The following LUZP2 variants were observed in gnomAD, a reference collection of about 807,000 sequenced individuals.
The protein encoded by LUZP2 is leucine zipper protein 2.
Under a neutral mutation model 51.6 loss-of-function variants are expected in LUZP2, and 52 were observed. The ratio of observed to expected loss-of-function variants is 1.01; its 90% CI spans 0.81 to 1.27. LUZP2 has a LOEUF of 1.27. LUZP2 is among the 50% of genes most tolerant of loss of function. LUZP2 has a pLI of 0.00. For missense variants in LUZP2, 436 were observed against 395.4 expected (o/e 1.10, Z -0.87); for synonymous variants, 154 against 137.3 (o/e 1.12, Z -0.85).
At chr11:25,050,529 C>T (rs901487342) in intron 10 of LUZP2, among the ~76,000 whole-genome samples, 1 of 151,958 alleles carries the variant, frequency 6.6e-6, no homozygotes, top group Non-Finnish European at 1.5e-5. Context: ...TGGTCTTGAT[C>T]GCCTGACCTC....
intron 6 of LUZP2, among the ~76,000 whole-genome samples, chr11:24,911,498 A>G (rs12281185): frequency 0.072 from 10,993 of 152,140 alleles, 1,253 homozygotes; most frequent in African/African-American, 0.24. Context: ...GTGAGTTCTC[A>G]GGAGATCCAA....
chr11:24,629,561 T>TAC (rs1184832978), intron 1 of LUZP2, among the ~76,000 whole-genome samples: 1 of 147,678 alleles, frequency 6.8e-6, no homozygotes, highest in Non-Finnish European at 1.5e-5. Context: ...TATATATATA[T>TAC]ATATATACCA....
At chr11:24,869,770 T>C (rs908213581) in intron 5 of LUZP2, among the ~76,000 whole-genome samples, 1 of 152,142 alleles carries the variant, frequency 6.6e-6, no homozygotes, top group African/African-American at 2.4e-5. Flanking sequence ...CAGGGGTCCC[T>C]ATTACCAGAG....
intron 9 of LUZP2, among the ~76,000 whole-genome samples, chr11:25,022,831 C>T (rs1857379462): frequency 6.6e-6 from 1 of 152,068 alleles, no homozygotes; most frequent in African/African-American, 2.4e-5. Context: ...CCATCAATAC[C>T]TAGTTTATTG....
chr11:24,759,300 A>T (rs1251552507), intron 4 of LUZP2, among the ~76,000 whole-genome samples: 2 of 152,170 alleles, frequency 1.3e-5, no homozygotes, highest in Non-Finnish European at 1.5e-5. Flanking sequence ...CAGGGTAAAT[A>T]CAATGTATTT....
At chr11:24,746,563 G>C (rs542933188) in intron 4 of LUZP2, among the ~76,000 whole-genome samples, 9 of 152,238 alleles carry the variant, frequency 5.9e-5, no homozygotes, top group Admixed American at 5.2e-4. Context: ...ATTTCCCTGT[G>C]TTCTTTGTGC....
rs912117372 is a variant in LUZP2, at chr11:24,735,768, C to T, written c.252-2453C>T. On this transcript the variant is annotated intron_variant, in intron 3 of 11. Transcript: ENST00000336930. Reference sequence around the variant, plus strand: ...TGAGCTATCTATCACAGGTGTCACTCGAGCCAGGAATTTTTTAGAATTAAA... The same window carrying T: ...TGAGCTATCTATCACAGGTGTCACTTGAGCCAGGAATTTTTTAGAATTAAA... Among the ~76,000 whole-genome samples the T allele has an allele frequency of 4.0e-5, 6 of 151,804 alleles. No homozygotes were observed. The South Asian group carries it at 6.2e-4, about 16-fold the overall frequency.
At chr11:24,828,656 A>G (rs1022467819) in intron 5 of LUZP2, among the ~76,000 whole-genome samples, 8 of 151,874 alleles carry the variant, frequency 5.3e-5, no homozygotes, top group African/African-American at 1.2e-4. Flanking sequence ...AACCTGCGTG[A>G]ATAACAAGGC....
intron 5 of LUZP2, among the ~76,000 whole-genome samples, chr11:24,780,720 C>G (rs1849067230): frequency 6.6e-6 from 1 of 152,072 alleles, no homozygotes; most frequent in South Asian, 2.1e-4. Flanking sequence ...GAACAACTGT[C>G]TTGTTTGTCT....
chr11:24,619,827 G>A (rs1198059426), intron 1 of LUZP2, among the ~76,000 whole-genome samples: 4 of 152,130 alleles, frequency 2.6e-5, no homozygotes, highest in East Asian at 3.9e-4. Flanking sequence ...AAGTCTATAC[G>A]TGTTCAGTAC....
intron 1 of LUZP2, among the ~76,000 whole-genome samples, chr11:24,595,790 T>A (rs1853425001): frequency 6.6e-6 from 1 of 152,188 alleles, no homozygotes; most frequent in Non-Finnish European, 1.5e-5. Context: ...AGACTGACAC[T>A]GAAATTTAAG....
At chr11:24,931,846 G>C (rs980459892) in intron 7 of LUZP2, among the ~76,000 whole-genome samples, 1 of 151,276 alleles carries the variant, frequency 6.6e-6, no homozygotes, top group Admixed American at 6.6e-5. Flanking sequence ...TTTCCTGTTT[G>C]TTTTTGTTTG....
At chr11:24,735,639 T>A (rs1241807180) in intron 3 of LUZP2, among the ~76,000 whole-genome samples, 1 of 151,850 alleles carries the variant, frequency 6.6e-6, no homozygotes, top group East Asian at 1.9e-4. Flanking sequence ...GTGATTAAGG[T>A]GAGGGTGTTT....
chr11:24,782,694 A>T (rs1451657760), intron 5 of LUZP2, among the ~76,000 whole-genome samples: 1 of 151,994 alleles, frequency 6.6e-6, no homozygotes. Context: ...GTGCCTGTCA[A>T]ATAGTAGGTA....
chr11:24,659,020 TC>T, intron 1 of LUZP2, among the ~76,000 whole-genome samples: 1 of 136,984 alleles, frequency 7.3e-6, no homozygotes, highest in Non-Finnish European at 1.7e-5. Flanking sequence ...TGGTGATTCC[TC>T]AGGGATCTAG....
At chr11:24,878,851 T>C (rs986753684) in intron 5 of LUZP2, among the ~76,000 whole-genome samples, 19 of 151,972 alleles carry the variant, frequency 1.3e-4, no homozygotes, top group African/African-American at 4.6e-4. Flanking sequence ...ACTCCCAATT[T>C]TGAATGAGAA....
chr11:24,976,444 C>A (rs978588856), intron 7 of LUZP2, 147 bp from the exon 8 acceptor site: 10 of 480,892 alleles, frequency 2.1e-5, no homozygotes, highest in African/African-American at 2.1e-4. Flanking sequence ...TATTTTTAAA[C>A]TGAATTCTAA....
At chr11:24,662,288 A>C (rs944149692) in intron 1 of LUZP2, among the ~76,000 whole-genome samples, 2 of 152,186 alleles carry the variant, frequency 1.3e-5, no homozygotes, top group African/African-American at 4.8e-5. Flanking sequence ...TGTGAAAAAA[A>C]AATCAACAAT....
intron 1 of LUZP2, among the ~76,000 whole-genome samples, chr11:24,509,038 T>A (rs1590116528): frequency 6.6e-6 from 1 of 152,246 alleles, no homozygotes; most frequent in East Asian, 1.9e-4. Flanking sequence ...TGGGACTACA[T>A]GTAGAATGAT....
Sources: gnomAD v4.1 joint callset for allele counts (sites outside exome capture counted in the v4.1 genomes callset) on GRCh38, gnomAD v4.1.1 for gene constraint, MANE v1.5 for transcripts, NCBI Gene and HGNC (gene_info 2026-07-23, HGNC 2026-07-21) for gene names.